The following GRIK2 variants were observed in gnomAD, a reference collection of about 807,000 sequenced individuals.
The protein encoded by GRIK2 is glutamate ionotropic receptor kainate type subunit 2.
A neutral mutation model predicts 100.3 loss-of-function variants in GRIK2; 32 were observed. That is an observed-to-expected ratio of 0.32 (90% CI 0.24 to 0.43). The LOEUF is 0.43. GRIK2 is among the 20% of genes least tolerant of loss of function. The pLI is 1.00. For synonymous variants in GRIK2, 417 were observed against 389.4 expected, an observed-to-expected ratio of 1.07 and a Z score of -0.83; for missense variants, 843 against 1,114.9, an observed-to-expected ratio of 0.76 and a Z score of 3.47.
intron 7 of GRIK2, among the ~76,000 whole-genome samples, chr6:101,714,132 G>A (rs1417325388): frequency 6.6e-6 from 1 of 151,660 alleles, no homozygotes; most frequent in Non-Finnish European, 1.5e-5. Context: ...ATACAGAATA[G>A]AGGTAGGCTA....
rs559691273 is a variant in GRIK2, at chr6:101,970,420, C to A, written c.2085+41788C>A. Among the ~76,000 whole-genome samples, 8 of 152,128 alleles carry A rather than the reference C, an allele frequency of 5.3e-5. No homozygotes were observed. In the South Asian group the frequency reaches 1.5e-3, roughly 28 times the overall value. On this transcript the variant is annotated intron_variant, in intron 14 of 16. Transcript: ENST00000369134. ...GCAGCTGTAGAGGTACTGCTCCTTT[C>A]AGACCAGGTCAACCCCACAGACAGT...
intron 3 of GRIK2, among the ~76,000 whole-genome samples, chr6:101,624,491 T>C (rs1562268018): frequency 6.6e-6 from 1 of 152,194 alleles, no homozygotes; most frequent in South Asian, 2.1e-4. Flanking sequence ...GACAATAATT[T>C]ACTTAATTAT....
intron 15 of GRIK2, among the ~76,000 whole-genome samples, chr6:102,044,059 A>C (rs986365394): frequency 1.3e-5 from 2 of 152,002 alleles, no homozygotes; most frequent in African/African-American, 4.8e-5. Context: ...AAATGGGCTC[A>C]TACAGAGGAA....
intron 2 of GRIK2, among the ~76,000 whole-genome samples, chr6:101,416,990 C>T (rs906215286): frequency 1.3e-5 from 2 of 152,136 alleles, no homozygotes; most frequent in African/African-American, 4.8e-5. Flanking sequence ...AGTCTGTTCT[C>T]ATGCTGCTAA....
chr6:102,058,241 A>G (rs530827211), intron 16 of GRIK2, among the ~76,000 whole-genome samples: 5 of 151,788 alleles, frequency 3.3e-5, no homozygotes, highest in East Asian at 3.9e-4. Context: ...GCCTTTTCAC[A>G]TATTAAATTC....
intron 4 of GRIK2, among the ~76,000 whole-genome samples, chr6:101,648,503 T>C (rs1332565204): frequency 6.6e-6 from 1 of 152,112 alleles, no homozygotes; most frequent in African/African-American, 2.4e-5. Flanking sequence ...TCCTAAGTTA[T>C]CATGGTTTCT....
intron 2 of GRIK2, among the ~76,000 whole-genome samples, chr6:101,422,503 G>A (rs1485239293): frequency 6.6e-6 from 1 of 151,992 alleles, no homozygotes; most frequent in Non-Finnish European, 1.5e-5. Context: ...GCATCATTAT[G>A]GTTCTGATTC....
Position 101,696,485 on chromosome 6 carries a change from A to T in GRIK2, c.951+10132A>T, listed in dbSNP as rs142272629. Reference sequence around the variant, plus strand: ...TTATTAGAAATAAGAGTATATGCATATATAAAGAATATGAATTTTAAGGAT... The same window carrying T: ...TTATTAGAAATAAGAGTATATGCATTTATAAAGAATATGAATTTTAAGGAT... On this transcript the variant is annotated intron_variant, in intron 7 of 16. Coordinates refer to ENST00000369134, the MANE Select transcript of GRIK2 (RefSeq NM_021956.5). Among the ~76,000 whole-genome samples, 139 of 152,070 alleles carry T rather than the reference A, an allele frequency of 9.1e-4. 4 individuals carry two copies. The East Asian group carries it at 0.026, about 29-fold the overall frequency.
At chr6:101,685,147 A>G (rs534046468) in intron 6 of GRIK2, among the ~76,000 whole-genome samples, 1 of 152,298 alleles carries the variant, frequency 6.6e-6, no homozygotes, top group East Asian at 1.9e-4. Flanking sequence ...TTTTGCATTT[A>G]TGATTTCTAC....
intron 14 of GRIK2, among the ~76,000 whole-genome samples, chr6:102,018,528 A>T (rs1769246767): frequency 6.6e-6 from 1 of 151,868 alleles, no homozygotes; most frequent in East Asian, 1.9e-4. Context: ...GTTTCCCCCC[A>T]CTTCTGGCAC....
chr6:101,934,154 G>T (rs1258639893), intron 14 of GRIK2, among the ~76,000 whole-genome samples: 1 of 151,756 alleles, frequency 6.6e-6, no homozygotes, highest in Non-Finnish European at 1.5e-5. Context: ...GCCACAAAGA[G>T]GTTAAGTGAC....
chr6:102,025,360 GA>G (rs1343126566), intron 14 of GRIK2, among the ~76,000 whole-genome samples: 1 of 150,914 alleles, frequency 6.6e-6, no homozygotes, highest in Non-Finnish European at 1.5e-5. Context: ...TAAGTATAAA[GA>G]GGAAATACAT....
intron 14 of GRIK2, among the ~76,000 whole-genome samples, chr6:101,940,907 T>C (rs1413532107): frequency 6.6e-6 from 1 of 152,156 alleles, no homozygotes; most frequent in African/African-American, 2.4e-5. Context: ...ACCAAAGCAG[T>C]GCAAGACATT....
intron 7 of GRIK2, among the ~76,000 whole-genome samples, chr6:101,777,771 T>C (rs1778842348): frequency 6.6e-6 from 1 of 152,184 alleles, no homozygotes; most frequent in Non-Finnish European, 1.5e-5. Context: ...ATCTGCCACC[T>C]GCCAGCTAGC....
At chr6:101,599,128 C>T (rs9498637) in intron 2 of GRIK2, among the ~76,000 whole-genome samples, 24,281 of 151,570 alleles carry the variant, frequency 0.16, 2,024 homozygotes, top group Admixed American at 0.2. Context: ...TGTCCATGAG[C>T]ATCCAATATT....
intron 15 of GRIK2, among the ~76,000 whole-genome samples, chr6:102,040,413 T>TATC (rs1401431750): frequency 3.3e-5 from 5 of 151,558 alleles, no homozygotes; most frequent in African/African-American, 1.2e-4. Flanking sequence ...AAGTAACTTT[T>TATC]ATCAAATTAT....
intron 2 of GRIK2, among the ~76,000 whole-genome samples, chr6:101,554,121 G>A (rs1776632459): frequency 6.6e-6 from 1 of 152,144 alleles, no homozygotes; most frequent in Non-Finnish European, 1.5e-5. Context: ...ACCATAAGCA[G>A]TAGGAACAGA....
chr6:101,771,262 T>C (rs892109253), intron 7 of GRIK2, among the ~76,000 whole-genome samples: 6 of 151,964 alleles, frequency 3.9e-5, no homozygotes, highest in Admixed American at 6.6e-5. Context: ...TTTTATTCAG[T>C]GCAACGGGTT....
intron 15 of GRIK2, among the ~76,000 whole-genome samples, chr6:102,049,648 T>G (rs1011730366): frequency 2.0e-5 from 3 of 152,144 alleles, no homozygotes; most frequent in African/African-American, 7.2e-5. Context: ...CCTTTACAAA[T>G]CAAACAGATG....
Sources: allele counts gnomAD v4.1 joint callset (sites outside exome capture counted in the v4.1 genomes callset), GRCh38; gene constraint gnomAD v4.1.1; transcripts MANE v1.5; gene names NCBI Gene and HGNC (gene_info 2026-07-23, HGNC 2026-07-21).